DYSF: variants seen among roughly 807,000 people sequenced by gnomAD.
DYSF encodes dysferlin.
A neutral mutation model predicts 274.9 loss-of-function variants in DYSF; 212 were observed. That is an observed-to-expected ratio of 0.77 (90% CI 0.69 to 0.86). The LOEUF is 0.86. Ranked by LOEUF, DYSF falls within the 40% of genes least tolerant of loss-of-function variation. The probability of loss-of-function intolerance (pLI) is 0.00; values close to 1 mark genes in which losing one functional copy is unlikely to be tolerated. For missense variants in DYSF, 2,666 were observed against 2,783.2 expected (o/e 0.96, Z 0.95); for synonymous variants, 1,091 against 1,078.7 (o/e 1.01, Z -0.22).
At chr2:71,462,189 G>C (rs939664638), upstream of DYSF, among the ~76,000 whole-genome samples, 6 of 152,190 alleles carry the variant, frequency 3.9e-5, no homozygotes, top group African/African-American at 1.4e-4. Flanking sequence ...GAACAGCAAG[G>C]GGTGTGTGAG....
chr2:71,568,962 TC>T lies in DYSF; in HGVS notation c.2864+627del, dbSNP rs200312771. On this transcript the variant is annotated intron_variant, in intron 26 of 55. Transcript: ENST00000410020. ...ATCTCGGCTCACTGCAACCTCCACCTCCCGGGTTCACGCCATTCTCCGGCCT... is the reference window on the plus strand; with the variant it reads ...ATCTCGGCTCACTGCAACCTCCACCTCCGGGTTCACGCCATTCTCCGGCCT... 5.8e-3 allele frequency among the ~76,000 whole-genome samples: 879 copies of T among 151,686 alleles called. 16 individuals carry two copies. Among genetic ancestry groups the T allele is most frequent in the African/African-American group, 0.02 (838 of 41,302 alleles).
upstream of DYSF, among the ~76,000 whole-genome samples, chr2:71,465,702 G>A (rs1338529484): frequency 2.6e-5 from 4 of 152,234 alleles, no homozygotes; most frequent in East Asian, 5.8e-4. Flanking sequence ...GGCTGAGTGA[G>A]CAGGTTGGTT....
chr2:71,461,199 C>T lies in DYSF; in HGVS notation c.88+7113C>T, dbSNP rs778359213. The stretch of plus-strand genomic sequence containing the variant: ...CTCCACAGTCTAGCTAGACACGAAA[C>T]GGGTGATTACGCTAATAGTTATTCC... On this transcript the variant is annotated intron_variant, in intron 1 of 54. Coordinates refer to the DYSF transcript ENST00000258104. Among the ~76,000 whole-genome samples, 7 of 152,078 alleles carry T rather than the reference C, an allele frequency of 4.6e-5. No homozygotes were observed. In the East Asian group the frequency reaches 5.8e-4, roughly 13 times the overall value.
At chr2:71,500,594 T>TGA (rs1224169321) in intron 3 of DYSF, among the ~76,000 whole-genome samples, 1 of 152,152 alleles carries the variant, frequency 6.6e-6, no homozygotes, top group African/African-American at 2.4e-5. Context: ...CATTGTTCCC[T>TGA]GACCCACTTC....
chr2:71,583,889 G>T (rs1558537093), intron 30 of DYSF, among the ~76,000 whole-genome samples: 1 of 152,200 alleles, frequency 6.6e-6, no homozygotes, highest in Non-Finnish European at 1.5e-5. Flanking sequence ...ACCCCTGGGG[G>T]AGCCCTGTGG....
upstream of DYSF, among the ~76,000 whole-genome samples, chr2:71,462,121 G>C (rs1484465075): frequency 2.0e-5 from 3 of 152,224 alleles, no homozygotes; most frequent in Non-Finnish European, 2.9e-5. Flanking sequence ...CTGGCAGGCT[G>C]TGCTCAGCTC....
At chr2:71,548,609 C>T (rs75671324) in intron 17 of DYSF, among the ~76,000 whole-genome samples, 6,286 of 152,288 alleles carry the variant, frequency 0.041, 207 homozygotes, top group African/African-American at 0.09. Context: ...AGAGTCCATA[C>T]ATGTGCCAGA....
chr2:71,480,821 A>G, intron 1 of DYSF, 62 bp from the exon 2 acceptor site: 2 of 1,468,608 alleles, frequency 1.4e-6, no homozygotes, highest in Non-Finnish European at 1.9e-6. Context: ...AGCTGAGCCT[A>G]ACTCAGCGGA....
chr2:71,526,448 G>A (rs1240833888), intron 13 of DYSF, 102 bp downstream of exon 13: 7 of 1,490,646 alleles, frequency 4.7e-6, no homozygotes, highest in Non-Finnish European at 6.3e-6. Context: ...CTGGGGGAAG[G>A]AGAGGCGTCT....
In DYSF at chr2:71,590,314, C is replaced by G. The variant is rs115981643; in HGVS notation, c.3574+26C>G. Reference sequence around the variant, plus strand: ...GTAGGTGGGAGAGAGGCAGGAGAGTCAGAGACTGTGGGCTGAGATCTGGGA... The same window carrying G: ...GTAGGTGGGAGAGAGGCAGGAGAGTGAGAGACTGTGGGCTGAGATCTGGGA... On this transcript the variant is annotated intron_variant, in intron 32 of 55. Transcript: ENST00000410020. The G allele has an allele frequency of 1.2e-3, 2,000 of 1,612,956 alleles. 22 individuals carry two copies. The African/African-American group carries it at 0.023, about 19-fold the overall frequency.
intron 30 of DYSF, among the ~76,000 whole-genome samples, chr2:71,576,094 C>T (rs113553518): frequency 1.7e-4 from 26 of 152,376 alleles, no homozygotes; most frequent in African/African-American, 6.3e-4. Flanking sequence ...CTGACCAGCT[C>T]AGCCTGGTGG....
At chr2:71,486,071 G>T (rs867420028) in intron 3 of DYSF, among the ~76,000 whole-genome samples, 1 of 152,132 alleles carries the variant, frequency 6.6e-6, no homozygotes, top group South Asian at 2.1e-4. Flanking sequence ...GGGTTAGGTG[G>T]CTGTGCCTTG....
intron 41 of DYSF, among the ~76,000 whole-genome samples, chr2:71,632,860 T>TC (rs1261147658): frequency 6.6e-6 from 1 of 152,078 alleles, no homozygotes; most frequent in Non-Finnish European, 1.5e-5. Flanking sequence ...TCTCTGTGAG[T>TC]CCCCCATCTG....
intron 32 of DYSF, among the ~76,000 whole-genome samples, chr2:71,597,528 G>A (rs1202456399): frequency 1.3e-5 from 2 of 152,108 alleles, no homozygotes; most frequent in Non-Finnish European, 2.9e-5. Flanking sequence ...GCCCACCCCG[G>A]CCCTGCTGAA....
At chr2:71,638,030 G>A (rs2094432884) in intron 41 of DYSF, among the ~76,000 whole-genome samples, 4 of 152,076 alleles carry the variant, frequency 2.6e-5, no homozygotes, top group Non-Finnish European at 2.9e-5. Context: ...AACTTTGAAG[G>A]AAGAGGGAAT....
At chr2:71,631,229 T>C (rs2094307696) in intron 41 of DYSF, among the ~76,000 whole-genome samples, 1 of 152,232 alleles carries the variant, frequency 6.6e-6, no homozygotes, top group African/African-American at 2.4e-5. Context: ...TGGTTGCACC[T>C]CTGAGCTTGA....
At chr2:71,603,125 G>T (rs1284200095) in intron 36 of DYSF, among the ~76,000 whole-genome samples, 1 of 152,166 alleles carries the variant, frequency 6.6e-6, no homozygotes, top group Non-Finnish European at 1.5e-5. Context: ...TGTTTGGAAG[G>T]GGCCAGAGTA....
At chr2:71,463,730 G>A (rs11692280), upstream of DYSF, among the ~76,000 whole-genome samples, 30,872 of 152,238 alleles carry the variant, frequency 0.2, 3,169 homozygotes, top group South Asian at 0.22. Flanking sequence ...AGGAGAGGGA[G>A]TTGGGCTTCT....
intron 36 of DYSF, among the ~76,000 whole-genome samples, chr2:71,603,911 G>GA (rs2093600670): frequency 6.6e-6 from 1 of 152,242 alleles, no homozygotes. Flanking sequence ...TGAAGGCTCA[G>GA]ATTCCGAGGG....
Sources: allele counts gnomAD v4.1 joint callset (sites outside exome capture counted in the v4.1 genomes callset), GRCh38; gene constraint gnomAD v4.1.1; transcripts MANE v1.5; gene names NCBI Gene and HGNC (gene_info 2026-07-23, HGNC 2026-07-21).